Variants in TUT1 observed in about 807,000 individuals in gnomAD.
TUT1 encodes the protein speckle targeted PIP5K1A-regulated poly(A) polymerase.
TUT1 carries 26 observed loss-of-function variants against 48.8 expected under a neutral mutation model. The observed-to-expected ratio is 0.53, with a 90% confidence interval of 0.39 to 0.74. TUT1 has a LOEUF of 0.74. TUT1 is among the 30% of genes least tolerant of loss of function. The probability of loss-of-function intolerance (pLI) is 0.00; values close to 1 mark genes in which losing one functional copy is unlikely to be tolerated. For synonymous variants in TUT1, 470 were observed against 460.8 expected, an observed-to-expected ratio of 1.02 and a Z score of -0.26; for missense variants, 1,065 against 1,114.8, an observed-to-expected ratio of 0.96 and a Z score of 0.64.
rs755351183 is a variant in TUT1, at chr11:62,589,107, T to G, written c.197A>C (p.Asp66Ala). 1.9e-6 allele frequency: 3 copies of G among 1,614,094 alleles called. No individual in the cohort carries two copies. The highest frequency in any genetic ancestry group is 2.5e-6 in the Non-Finnish European group (3 of 1,180,044). ...RSVFVSGFPR[D>A]VDSAQLSEYF... is the part of the protein sequence containing the mutation. Reference sequence around the variant, plus strand: ...CTCAGAGAGCTGAGCAGAATCCACATCCCTGGGAAAGCCACTGACAAACAC... The same window carrying G: ...CTCAGAGAGCTGAGCAGAATCCACAGCCCTGGGAAAGCCACTGACAAACAC... The change falls in exon 2 of 9, where the codon GAT becomes GCT. Residue 66 changes from aspartate (D) to alanine (A), a missense_variant. By Grantham distance (126) the Asp-to-Ala change is moderately radical. Coordinates refer to ENST00000476907, the MANE Select transcript of TUT1 (RefSeq NM_022830.3).
rs1565264678 is a variant in TUT1 at position 62,575,503 on chromosome 11, C to T, written c.2216G>A (p.Gly739Glu). 1.9e-6 allele frequency: 3 copies of T among 1,612,924 alleles called. No homozygotes were observed. Among genetic ancestry groups the T allele is most frequent in the Admixed American group, 3.3e-5 (2 of 60,010 alleles). The change falls in exon 9 of 9, where the codon GGG (glycine) becomes GAG (glutamate). Residue 739 changes from glycine to glutamate, a missense_variant. Physicochemically the swap from Gly to Glu is moderately conservative, Grantham distance 98. Transcript: ENST00000476907. ...TTGGGCTGCCTCATGTCCCTTGGGC[C>T]CCCGCTCTGCCAGGGCTGCGTGGCT... ...QPSHAALAER[G>E]PKGHEAAQEW...
In TUT1 at chr11:62,575,843, C is replaced by G. The variant is rs1941714865; in HGVS notation, c.1876G>C (p.Val626Leu). 1 of 1,614,086 alleles carries G rather than the reference C, an allele frequency of 6.2e-7. No individual in the cohort carries two copies. Among genetic ancestry groups the G allele is most frequent in the African/African-American group, 1.3e-5 (1 of 74,916 alleles). The change falls in exon 9 of 9, where the codon GTA becomes CTA. Residue 626 changes from valine (V) to leucine (L), a missense_variant. Coordinates refer to ENST00000476907, the MANE Select transcript of TUT1 (RefSeq NM_022830.3). Reference protein sequence around the residue: ...FTQLTAALVQVFREALGCHIE... With the variant: ...FTQLTAALVQLFREALGCHIE... ...TGGCACCCCAGTGCTTCCCTGAATA[C>G]CTGCACCAGGGCAGCAGTGAGCTGG...
chr11:62,588,995 T>C, intron 2 of TUT1, 36 bp downstream of exon 2: 1 of 1,595,052 alleles, frequency 6.3e-7, no homozygotes, highest in Non-Finnish European at 8.6e-7. Context: ...CGCCCAGCAC[T>C]GATTCATTCT....
chr11:62,585,234 C>T (rs1368697874), intron 2 of TUT1, among the ~76,000 whole-genome samples: 1 of 152,202 alleles, frequency 6.6e-6, no homozygotes, highest in Non-Finnish European at 1.5e-5. Flanking sequence ...GAACCTCCCG[C>T]CTCAGCCTCC....
chr11:62,585,888 C>T (rs938145600), intron 2 of TUT1, among the ~76,000 whole-genome samples: 15 of 152,152 alleles, frequency 9.9e-5, no homozygotes, highest in African/African-American at 3.6e-4. Context: ...GCAGGCGGAT[C>T]ACCTGAGGTC....
At chr11:62,590,432 C>A (rs1440225423) in intron 1 of TUT1, among the ~76,000 whole-genome samples, 2 of 151,882 alleles carry the variant, frequency 1.3e-5, no homozygotes, top group Non-Finnish European at 2.9e-5. Flanking sequence ...GTCAGGAGAT[C>A]GAGACCATCC....
intron 4 of TUT1, 135 bp from the exon 5 acceptor site, chr11:62,579,165 G>A (rs975319754): frequency 1.2e-5 from 7 of 565,242 alleles, no homozygotes; most frequent in African/African-American, 2.0e-5. Flanking sequence ...ATCTTCACAG[G>A]AACCCTTTTT....
chr11:62,586,395 T>C (rs1394604595), intron 2 of TUT1, among the ~76,000 whole-genome samples: 1 of 152,248 alleles, frequency 6.6e-6, no homozygotes, highest in Non-Finnish European at 1.5e-5. Context: ...CTACTGACCA[T>C]TTCCCTTAAG....
chr11:62,578,514 C>T, intron 5 of TUT1, 47 bp downstream of exon 5: 1 of 1,526,680 alleles, frequency 6.6e-7, no homozygotes, highest in Non-Finnish European at 8.8e-7. Flanking sequence ...CACTGTACTC[C>T]AGCCTGGGCA....
chr11:62,583,645 T>C (rs941846454), intron 2 of TUT1, among the ~76,000 whole-genome samples: 1 of 152,134 alleles, frequency 6.6e-6, no homozygotes, highest in African/African-American at 2.4e-5. Context: ...AGGACTGCTT[T>C]AGGCAAAAAA....
chr11:62,582,125 G>A (rs920640467), intron 2 of TUT1, among the ~76,000 whole-genome samples: 2 of 152,002 alleles, frequency 1.3e-5, no homozygotes, highest in Non-Finnish European at 1.5e-5. Context: ...TGGGATTACA[G>A]GCACATGCCA....
chr11:62,589,062 G>A lies in TUT1; in HGVS notation c.242C>T (p.Pro81Leu). 6.2e-7 allele frequency: 1 copy of A among 1,613,900 alleles called. No homozygotes were observed. The highest frequency in any genetic ancestry group is 8.5e-7 in the Non-Finnish European group (1 of 1,179,886). ...CTTGTCCATGACAACACTGGCCACA[G>A]GTCCAAATGCTAGGAAGTACTCAGA... is the stretch of plus-strand genomic sequence containing the variant. The part of the protein sequence containing the change: ...QLSEYFLAFG[P>L]VASVVMDKDK... Residue 81 changes from proline (P) to leucine (L), a missense_variant, in exon 2 of 9, where the codon CCT becomes CTT. Coordinates refer to ENST00000476907, the MANE Select transcript of TUT1 (RefSeq NM_022830.3).
Position 62,579,050 on chromosome 11 carries a change from G to C in TUT1, c.691-20C>G. 1.4e-6 allele frequency: 2 copies of C among 1,478,644 alleles called. No individual in the cohort carries two copies. The highest frequency in any genetic ancestry group is 1.8e-6 in the Non-Finnish European group (2 of 1,112,162). 91.6% of individuals were successfully genotyped at this position (1,478,644 alleles called of 1,614,324 possible). On this transcript the variant is annotated intron_variant, in intron 4 of 8. Coordinates refer to ENST00000476907, the MANE Select transcript of TUT1 (RefSeq NM_022830.3). ...GACTGGCTGTGGACAGAAATGAACT[G>C]AGTGAAATGTTTCTGCTGTTCCCTA...
chr11:62,591,455 G>A lies in TUT1; in HGVS notation c.31C>T (p.Leu11=), dbSNP rs757708780. MAAVDSDVES[L]PRGGFRCCLC... is the part of the protein sequence containing the mutation. ...CAGCAGCGGAACCCCCCACGCGGCAGCGATTCGACATCCGAATCCACCGCC... is the reference window on the plus strand; with the variant it reads ...CAGCAGCGGAACCCCCCACGCGGCAACGATTCGACATCCGAATCCACCGCC... The change falls in exon 1 of 9, where the codon CTG becomes TTG. Residue 11 remains leucine (L), a synonymous_variant. Transcript: ENST00000476907. 16 of 1,611,138 alleles carry A rather than the reference G, an allele frequency of 9.9e-6. No individual in the cohort carries two copies. Among genetic ancestry groups the A allele is most frequent in the Admixed American group, 1.7e-5 (1 of 59,608 alleles).
chr11:62,588,107 T>C (rs1031958629), intron 2 of TUT1, among the ~76,000 whole-genome samples: 53 of 152,354 alleles, frequency 3.5e-4, no homozygotes, highest in African/African-American at 1.3e-3. Context: ...GCAGGGACCA[T>C]ATCTACCCCA....
At chr11:62,589,366 T>G in intron 1 of TUT1, 145 bp from the exon 2 acceptor site, 1 of 660,792 alleles carries the variant, frequency 1.5e-6, no homozygotes. Flanking sequence ...TCCTTTCACC[T>G]TCCTCTCTTA....
In TUT1 at chr11:62,575,357, G is replaced by A. The variant is rs763243913; in HGVS notation, c.2362C>T (p.Gln788Ter). Residue 788 changes from glutamine (Q) to a stop codon, truncating the protein, a stop_gained, in exon 9 of 9, where the codon CAA becomes TAA. Transcript: ENST00000476907. LOFTEE classifies it low-confidence loss of function (END_TRUNC). ...CCACCTCCAGCTCCCTCCTTGGTTTGCTGCTGCAAGCGTCTACGGGCTCGC... is the reference window on the plus strand; with the variant it reads ...CCACCTCCAGCTCCCTCCTTGGTTTACTGCTGCAAGCGTCTACGGGCTCGC... ...RRRARRRLQQQTKEGAGGGAG... is the reference protein window; with the variant it reads ...RRRARRRLQQ 1 of 1,613,792 alleles carries A rather than the reference G, an allele frequency of 6.2e-7. No individual in the cohort carries two copies. Among genetic ancestry groups the A allele is most frequent in the Non-Finnish European group, 8.5e-7 (1 of 1,179,970 alleles).
intron 4 of TUT1, 140 bp from the exon 5 acceptor site, chr11:62,579,170 C>A (rs1156437750): frequency 2.4e-6 from 1 of 424,708 alleles, no homozygotes; most frequent in East Asian, 4.7e-5. Flanking sequence ...CACAGGAACC[C>A]TTTTTTTTTT....
At chr11:62,586,902 G>T (rs982932078) in intron 2 of TUT1, among the ~76,000 whole-genome samples, 2 of 149,650 alleles carry the variant, frequency 1.3e-5, no homozygotes, top group African/African-American at 4.9e-5. Flanking sequence ...ATGGGGTTTC[G>T]CCATGTTGGC....
Sources: gnomAD v4.1 joint callset for allele counts (sites outside exome capture counted in the v4.1 genomes callset) on GRCh38, gnomAD v4.1.1 for gene constraint, MANE v1.5 for transcripts, NCBI Gene and HGNC (gene_info 2026-07-23, HGNC 2026-07-21) for gene names.